SCN11A: variants seen among roughly 807,000 people sequenced by gnomAD.
SCN11A encodes sodium voltage-gated channel alpha subunit 11, also known as sodium channel protein type 11 subunit alpha.
SCN11A carries 122 observed loss-of-function variants against 162.2 expected under a neutral mutation model. That is an observed-to-expected ratio of 0.75 (90% CI 0.65 to 0.87). The LOEUF is 0.87. Ranked by LOEUF, SCN11A falls within the 40% of genes least tolerant of loss-of-function variation. SCN11A has a pLI of 0.00. For synonymous variants in SCN11A, 758 were observed against 751.5 expected (o/e 1.01, Z -0.14); for missense variants, 2,015 against 2,181.6 (o/e 0.92, Z 1.52).
At chr3:39,032,004 A>C (rs1026597205) in intron 2 of SCN11A, among the ~76,000 whole-genome samples, 20 of 152,192 alleles carry the variant, frequency 1.3e-4, no homozygotes, top group Non-Finnish European at 1.6e-4. Flanking sequence ...ACAAAAAAAA[A>C]CCAAAAATGG....
intron 5 of SCN11A, among the ~76,000 whole-genome samples, chr3:38,948,399 A>T (rs1349404450): frequency 6.6e-6 from 1 of 152,222 alleles, no homozygotes; most frequent in Non-Finnish European, 1.5e-5. Context: ...GATTAAAATG[A>T]TAGGTACTAG....
At chr3:38,901,183 G>T (rs2065693741) in intron 16 of SCN11A, among the ~76,000 whole-genome samples, 1 of 152,044 alleles carries the variant, frequency 6.6e-6, no homozygotes, top group Admixed American at 6.5e-5. Context: ...ATGATTCAAT[G>T]ATTTACTATT....
Position 38,847,665 on chromosome 3 carries a change from G to A in SCN11A, c.4405C>T (p.Arg1469Trp), listed in dbSNP as rs144285862. The A allele has an allele frequency of 1.3e-5, 21 of 1,613,692 alleles. No individual in the cohort carries two copies. Among genetic ancestry groups the A allele is most frequent in the African/African-American group, 4.0e-5 (3 of 74,912 alleles). The change falls in exon 30 of 30, where the codon CGG (arginine) becomes TGG (tryptophan). Residue 1469 changes from arginine to tryptophan, a missense_variant. Arg to Trp is a moderately radical substitution (Grantham distance 101). Coordinates refer to ENST00000302328, the MANE Select transcript of SCN11A (RefSeq NM_001349253.2). The stretch of plus-strand genomic sequence containing the variant: ...ACAAGCCTCAGGATTCGGCCAATCC[G>A]AGCCAAGCGGACAATTCTGAAGAGC... Reference protein sequence around the residue: ...PTLFRIVRLARIGRILRLVRA... With the variant: ...PTLFRIVRLAWIGRILRLVRA...
intron 7 of SCN11A, among the ~76,000 whole-genome samples, chr3:38,937,939 A>T (rs1307355343): frequency 1.3e-5 from 2 of 152,146 alleles, no homozygotes; most frequent in African/African-American, 4.8e-5. Flanking sequence ...ACGTATGTTT[A>T]TTGCGGCACT....
At chr3:39,040,854 G>A (rs185358779) in intron 1 of SCN11A, among the ~76,000 whole-genome samples, 45 of 152,194 alleles carry the variant, frequency 3.0e-4, no homozygotes, top group African/African-American at 9.4e-4. Context: ...CGAGGTGGGC[G>A]GATCATGAGG....
At chr3:38,864,394 G>A (rs2126090174) in intron 27 of SCN11A, among the ~76,000 whole-genome samples, 1 of 152,270 alleles carries the variant, frequency 6.6e-6, no homozygotes, top group Non-Finnish European at 1.5e-5. Context: ...TGTCATAGTA[G>A]TATTAATACC....
At chr3:39,007,938 TG>T (rs2031022230) in intron 2 of SCN11A, among the ~76,000 whole-genome samples, 1 of 152,304 alleles carries the variant, frequency 6.6e-6, no homozygotes, top group East Asian at 1.9e-4. Context: ...GGCAGTCTTA[TG>T]GGACTGAGCC....
intron 23 of SCN11A, among the ~76,000 whole-genome samples, chr3:38,877,932 C>A (rs2065246392): frequency 6.6e-6 from 1 of 151,222 alleles, no homozygotes; most frequent in Admixed American, 6.6e-5. Flanking sequence ...AATGGAAAAC[C>A]AAACATTTTA....
chr3:38,953,787 T>A (rs2066649504), intron 3 of SCN11A, among the ~76,000 whole-genome samples, 28 bp from the exon 4 acceptor site: 1 of 151,956 alleles, frequency 6.6e-6, no homozygotes, highest in African/African-American at 2.4e-5. Flanking sequence ...CAAAAGGCAC[T>A]CGAATATAGG....
chr3:38,889,471 G>T (rs961514561), intron 19 of SCN11A, among the ~76,000 whole-genome samples: 16 of 151,678 alleles, frequency 1.1e-4, no homozygotes, highest in African/African-American at 3.6e-4. Context: ...TTAGTGCAAG[G>T]CCTGTCACAT....
intron 23 of SCN11A, among the ~76,000 whole-genome samples, chr3:38,876,787 AT>A (rs2065214368): frequency 6.6e-6 from 1 of 151,972 alleles, no homozygotes; most frequent in South Asian, 2.1e-4. Context: ...ATGGAAAACA[AT>A]GTGGAGATTC....
At chr3:38,887,856 T>A (rs180799026) in intron 19 of SCN11A, among the ~76,000 whole-genome samples, 179 of 152,310 alleles carry the variant, frequency 1.2e-3, no homozygotes, top group African/African-American at 4.0e-3. Flanking sequence ...TCTGACATTA[T>A]AAGGTCATGA....
chr3:39,039,629 T>C (rs1247985800), intron 1 of SCN11A, among the ~76,000 whole-genome samples: 1 of 152,192 alleles, frequency 6.6e-6, no homozygotes, highest in African/African-American at 2.4e-5. Context: ...AGGAAGCAGG[T>C]AGTCCAGCAC....
chr3:38,887,540 A>C (rs1457132181), intron 19 of SCN11A, among the ~76,000 whole-genome samples: 3 of 152,118 alleles, frequency 2.0e-5, no homozygotes, highest in African/African-American at 7.2e-5. Flanking sequence ...TACATATGTA[A>C]CAAACCTGCA....
chr3:38,904,480 G>C (rs986114389), intron 15 of SCN11A, among the ~76,000 whole-genome samples: 4 of 152,116 alleles, frequency 2.6e-5, no homozygotes. Flanking sequence ...AGCTGTAACA[G>C]AGGCAAAAGG....
At chr3:38,865,866 T>C (rs1001406294) in intron 27 of SCN11A, among the ~76,000 whole-genome samples, 2 of 152,066 alleles carry the variant, frequency 1.3e-5, no homozygotes, top group Non-Finnish European at 2.9e-5. Context: ...AACAATGAGA[T>C]AATACTTTCC....
At chr3:39,032,121 T>C (rs185990669) in intron 2 of SCN11A, among the ~76,000 whole-genome samples, 2 of 152,332 alleles carry the variant, frequency 1.3e-5, no homozygotes, top group African/African-American at 4.8e-5. Context: ...TTAAAACAGA[T>C]TGATGTCTGT....
At chr3:39,030,659 C>T (rs913371999) in intron 2 of SCN11A, among the ~76,000 whole-genome samples, 1 of 152,112 alleles carries the variant, frequency 6.6e-6, no homozygotes, top group African/African-American at 2.4e-5. Context: ...AATTTACATC[C>T]AGCGCACGTT....
At chr3:39,037,154 T>C (rs886641523) in intron 1 of SCN11A, among the ~76,000 whole-genome samples, 3 of 152,126 alleles carry the variant, frequency 2.0e-5, no homozygotes, top group Admixed American at 6.5e-5. Flanking sequence ...CAAAAAGGAA[T>C]GAGATCGTGT....
Sources: gnomAD v4.1 joint callset for allele counts (sites outside exome capture counted in the v4.1 genomes callset) on GRCh38, gnomAD v4.1.1 for gene constraint, MANE v1.5 for transcripts, NCBI Gene and HGNC (gene_info 2026-07-23, HGNC 2026-07-21) for gene names.